Variants in LAMA3 observed in about 807,000 individuals in gnomAD.
The protein encoded by LAMA3 is laminin subunit alpha 3, also known as laminin subunit alpha-3.
A neutral mutation model predicts 402.0 loss-of-function variants in LAMA3; 281 were observed. The ratio of observed to expected loss-of-function variants is 0.70; its 90% CI spans 0.63 to 0.77. The LOEUF (loss-of-function observed/expected upper bound fraction) is 0.77. LAMA3 is among the 30% of genes least tolerant of loss of function. The pLI is 0.00. For synonymous variants in LAMA3, 1,431 were observed against 1,558.4 expected (o/e 0.92, Z 1.93); for missense variants, 3,840 against 4,215.5 (o/e 0.91, Z 2.47).
chr18:23,750,716 G>C (rs1325624914), intron 4 of LAMA3, among the ~76,000 whole-genome samples: 1 of 151,990 alleles, frequency 6.6e-6, no homozygotes, highest in East Asian at 1.9e-4. Flanking sequence ...CGTATTGCCA[G>C]ACCTTGGAAC....
At chr18:23,737,433 C>T (rs1419715979) in intron 2 of LAMA3, among the ~76,000 whole-genome samples, 1 of 152,256 alleles carries the variant, frequency 6.6e-6, no homozygotes, top group Non-Finnish European at 1.5e-5. Context: ...TCATAGCCCC[C>T]CTGCCCTGCG....
chr18:23,733,643 T>G (rs550326465), intron 2 of LAMA3, among the ~76,000 whole-genome samples: 1 of 152,224 alleles, frequency 6.6e-6, no homozygotes, highest in Non-Finnish European at 1.5e-5. Context: ...GAAGGAGCTT[T>G]TCCATTTGTC....
intron 34 of LAMA3, 95 bp from the exon 35 acceptor site, chr18:23,861,551 G>T: frequency 7.1e-7 from 1 of 1,407,662 alleles, no homozygotes; most frequent in East Asian, 2.3e-5. Context: ...CAAGGAGGCT[G>T]CCCGTGGAGC....
At chr18:23,818,860 A>T (rs568705507) in intron 18 of LAMA3, among the ~76,000 whole-genome samples, 1 of 151,144 alleles carries the variant, frequency 6.6e-6, no homozygotes, top group African/African-American at 2.4e-5. Context: ...ATGGTTATGT[A>T]TTTTTTTTTA....
intron 44 of LAMA3, 97 bp downstream of exon 44, chr18:23,895,155 G>T (rs1438205329): frequency 2.2e-6 from 3 of 1,391,478 alleles, no homozygotes; most frequent in Admixed American, 2.0e-5. Context: ...TCCTGGAAAG[G>T]CTCAGGGGTT....
At chr18:23,767,952 C>A (rs781180815) in intron 8 of LAMA3, among the ~76,000 whole-genome samples, 1 of 152,088 alleles carries the variant, frequency 6.6e-6, no homozygotes. Flanking sequence ...GGACCCCTAC[C>A]TTTCACCATA....
At chr18:23,859,545 G>C (rs890532995) in intron 34 of LAMA3, among the ~76,000 whole-genome samples, 1 of 152,160 alleles carries the variant, frequency 6.6e-6, no homozygotes, top group Non-Finnish European at 1.5e-5. Context: ...CAGAATTCAG[G>C]ACACACTTTC....
intron 12 of LAMA3, among the ~76,000 whole-genome samples, chr18:23,785,358 G>A (rs2062523235): frequency 6.6e-6 from 1 of 152,156 alleles, no homozygotes; most frequent in Non-Finnish European, 1.5e-5. Flanking sequence ...GCCACACTAA[G>A]GAACTGTAAG....
chr18:23,925,936 A>G (rs2081990083), intron 62 of LAMA3, among the ~76,000 whole-genome samples: 1 of 152,356 alleles, frequency 6.6e-6, no homozygotes, highest in East Asian at 1.9e-4. Flanking sequence ...ACACACTGAC[A>G]GTACAGACCC....
At chr18:23,822,147 A>C in intron 19 of LAMA3, 105 bp from the exon 20 acceptor site, 2 of 1,263,880 alleles carry the variant, frequency 1.6e-6, no homozygotes, top group Non-Finnish European at 2.3e-6. Context: ...ATGTGTGTAC[A>C]TTACAAGTCC....
chr18:23,953,422 AC>A (rs1360872355), intron 74 of LAMA3, among the ~76,000 whole-genome samples: 1 of 150,356 alleles, frequency 6.7e-6, no homozygotes, highest in East Asian at 2.0e-4. Flanking sequence ...GCTCACCACA[AC>A]CTCTGCCTCC....
Position 23,921,458 on chromosome 18 carries a change from A to C in LAMA3, c.8050A>C (p.Ile2684Leu), listed in dbSNP as rs770266243. 6.2e-7 allele frequency: 1 copy of C among 1,612,562 alleles called. No individual in the cohort carries two copies. The highest frequency in any genetic ancestry group is 1.3e-5 in the African/African-American group (1 of 74,894). The change falls in exon 62 of 75, where the codon ATC becomes CTC. Residue 2684 changes from isoleucine (I) to leucine (L), a missense_variant. Physicochemically the swap from Ile to Leu is conservative, Grantham distance 5. Transcript: ENST00000313654. The part of the protein sequence containing the change: ...INNGRDHSIQ[I>L]KIGKLQKRMW... ...CATCTCTCATTTATTTCAGATTCAG[A>C]TCAAAATTGGAAAACTCCAAAAGCG...
chr18:23,912,715 C>A lies in LAMA3; in HGVS notation c.7163C>A (p.Ala2388Asp), dbSNP rs747359742. ...CATGTAACTTACTCCTCACAGGTTG[C>A]TGTCCCCATGAGGTTCAATGGTAAA... ...QQARDAASKVAVPMRFNGKSG... is the reference protein window; with the variant it reads ...QQARDAASKVDVPMRFNGKSG... The change falls in exon 56 of 75, where the codon GCT becomes GAT. Residue 2388 changes from alanine to aspartate, a missense_variant. Transcript: ENST00000313654. 3.1e-6 allele frequency: 5 copies of A among 1,613,554 alleles called. No individual in the cohort carries two copies. The highest frequency in any genetic ancestry group is 2.5e-6 in the Non-Finnish European group (3 of 1,179,434).
At position 23,777,565 on chromosome 18, in the gene LAMA3, A is replaced by G; in HGVS notation, c.1414A>G (p.Ile472Val). 6.2e-7 allele frequency: 1 copy of G among 1,604,478 alleles called. No individual in the cohort carries two copies. The change falls in exon 11 of 75, where the codon ATT (isoleucine) becomes GTT (valine). Residue 472 changes from isoleucine to valine, a missense_variant. This residue lies in a region of LAMA3 where 2,109 missense variants were observed against 2,376.0 expected (regional missense o/e 0.89). Transcript: ENST00000313654. ...YNFPFCLRIP[I>V]FPVSTPSSED... ...ATAAACTATTTTTACAGGAATTCCCATTTTTCCTGTTTCTACACCAAGTTC... is the reference window on the plus strand; with the variant it reads ...ATAAACTATTTTTACAGGAATTCCCGTTTTTCCTGTTTCTACACCAAGTTC...
chr18:23,759,163 A>C (rs914715604), intron 7 of LAMA3, among the ~76,000 whole-genome samples: 3 of 151,652 alleles, frequency 2.0e-5, no homozygotes, highest in Admixed American at 6.6e-5. Context: ...ACATAGTGAG[A>C]CTCTGTCTAC....
At chr18:23,845,902 C>T (rs565323258) in intron 30 of LAMA3, among the ~76,000 whole-genome samples, 1 of 152,280 alleles carries the variant, frequency 6.6e-6, no homozygotes, top group Non-Finnish European at 1.5e-5. Context: ...CAGCACACAA[C>T]ATTCAATGAA....
At chr18:23,743,340 G>A (rs558357713) in intron 2 of LAMA3, among the ~76,000 whole-genome samples, 1 of 152,274 alleles carries the variant, frequency 6.6e-6, no homozygotes, top group South Asian at 2.1e-4. Flanking sequence ...TTAGACACCA[G>A]GGTAGGACCA....
At chr18:23,903,889 C>A in intron 49 of LAMA3, 44 bp from the exon 50 acceptor site, 2 of 1,516,422 alleles carry the variant, frequency 1.3e-6, no homozygotes, top group Non-Finnish European at 1.8e-6. Flanking sequence ...CACCTACATT[C>A]TTTCCTTGAA....
chr18:23,801,119 A>T (rs547674280), intron 12 of LAMA3, among the ~76,000 whole-genome samples: 10 of 152,188 alleles, frequency 6.6e-5, no homozygotes, highest in African/African-American at 2.4e-4. Context: ...AAAAGAATGA[A>T]CTCATGTCCT....
Sources: gnomAD v4.1 joint callset for allele counts (sites outside exome capture counted in the v4.1 genomes callset) on GRCh38, gnomAD v4.1.1 for gene constraint, gnomAD v4.1.1 regional missense constraint, MANE v1.5 for transcripts, NCBI Gene and HGNC (gene_info 2026-07-23, HGNC 2026-07-21) for gene names.